Variants in HSD17B12 observed in about 807,000 individuals in gnomAD.
The protein encoded by HSD17B12 is hydroxysteroid 17-beta dehydrogenase 12.
Under a neutral mutation model 39.3 loss-of-function variants are expected in HSD17B12, and 32 were observed. The ratio of observed to expected loss-of-function variants is 0.81; its 90% CI spans 0.61 to 1.09. The LOEUF (loss-of-function observed/expected upper bound fraction) is 1.09. Ranked by LOEUF, HSD17B12 falls within the 50% of genes least tolerant of loss-of-function variation. The probability of loss-of-function intolerance (pLI) is 0.00; values close to 1 mark genes in which losing one functional copy is unlikely to be tolerated. For synonymous variants in HSD17B12, 150 were observed against 146.7 expected, an observed-to-expected ratio of 1.02 and a Z score of -0.16; for missense variants, 342 against 382.9, an observed-to-expected ratio of 0.89 and a Z score of 0.89.
chr11:43,735,338 A>C (rs1266862827), intron 1 of HSD17B12, among the ~76,000 whole-genome samples: 2 of 151,918 alleles, frequency 1.3e-5, no homozygotes, highest in African/African-American at 4.8e-5. Flanking sequence ...TTTTTGAGGA[A>C]CTCCCAACCT....
chr11:43,633,543 T>C, the HSD17B12 span, among the ~76,000 whole-genome samples: 303 of 151,650 alleles, frequency 2.0e-3, 1 homozygote, highest in Non-Finnish European at 2.0e-3. Context: ...AAAAATAAAT[T>C]AAAATAAGTA....
chr11:43,690,400 A>ATTTTTTTTT (rs1565049826), intron 1 of HSD17B12, among the ~76,000 whole-genome samples: 12 of 27,158 alleles, frequency 4.4e-4, no homozygotes, highest in Non-Finnish European at 7.0e-4. Context: ...ATATATATAT[A>ATTTTTTTTT]TATATTTTTT....
intron 1 of HSD17B12, among the ~76,000 whole-genome samples, chr11:43,740,345 G>A (rs923436691): frequency 6.6e-6 from 1 of 152,084 alleles, no homozygotes; most frequent in Non-Finnish European, 1.5e-5. Flanking sequence ...TTATAATGAT[G>A]TGAATATTAT....
chr11:43,619,189 T>C, the HSD17B12 span, among the ~76,000 whole-genome samples: 6 of 74,548 alleles, frequency 8.0e-5, no homozygotes, highest in African/African-American at 2.9e-4. Flanking sequence ...ATAAAATATA[T>C]ATATATATGA....
At chr11:43,772,768 A>T (rs1419414976) in intron 3 of HSD17B12, among the ~76,000 whole-genome samples, 3 of 152,020 alleles carry the variant, frequency 2.0e-5, no homozygotes, top group East Asian at 3.9e-4. Context: ...TTTTTTTGTG[A>T]ATGAGTTTTC....
chr11:43,706,165 T>TG (rs1212749922), intron 1 of HSD17B12, among the ~76,000 whole-genome samples: 1 of 151,982 alleles, frequency 6.6e-6, no homozygotes, highest in African/African-American at 2.4e-5. Context: ...TGTATAAATA[T>TG]GGCTTTAAAA....
intron 3 of HSD17B12, among the ~76,000 whole-genome samples, chr11:43,786,144 G>A (rs780033305): frequency 6.6e-6 from 1 of 152,062 alleles, no homozygotes; most frequent in Non-Finnish European, 1.5e-5. Flanking sequence ...TCTGTCAGTT[G>A]TTCTTTCATA....
At chr11:43,721,232 G>T (rs1017375570) in intron 1 of HSD17B12, among the ~76,000 whole-genome samples, 4 of 151,936 alleles carry the variant, frequency 2.6e-5, no homozygotes, top group Non-Finnish European at 4.4e-5. Flanking sequence ...TAGTTGGGGT[G>T]GGGATATTTT....
intron 4 of HSD17B12, among the ~76,000 whole-genome samples, chr11:43,802,661 A>G (rs1489753296): frequency 6.6e-6 from 1 of 152,182 alleles, no homozygotes; most frequent in African/African-American, 2.4e-5. Flanking sequence ...GTTCTGAAAC[A>G]TTTCTGATTG....
chr11:43,789,907 G>A (rs1340656335), intron 3 of HSD17B12, among the ~76,000 whole-genome samples: 2 of 152,090 alleles, frequency 1.3e-5, no homozygotes, highest in Non-Finnish European at 2.9e-5. Flanking sequence ...ACTCTAGCCT[G>A]GGTGCCAGAG....
At chr11:43,569,180 T>C in the HSD17B12 span, 2 of 151,494 alleles carry the variant, frequency 1.3e-5, no homozygotes, top group East Asian at 2.0e-4. Flanking sequence ...AGTGTGTCTC[T>C]AAATCTACAC....
intron 4 of HSD17B12, among the ~76,000 whole-genome samples, chr11:43,810,334 T>G (rs1008139389): frequency 6.8e-6 from 1 of 147,698 alleles, no homozygotes; most frequent in African/African-American, 2.5e-5. Flanking sequence ...GCATAAAATT[T>G]GGAAATGATT....
At chr11:43,601,842 G>A in the HSD17B12 span, among the ~76,000 whole-genome samples, 1 of 152,160 alleles carries the variant, frequency 6.6e-6, no homozygotes, top group Non-Finnish European at 1.5e-5. Flanking sequence ...TTCTCACCAG[G>A]TTTAGAATGT....
At chr11:43,710,376 G>A (rs1344153249) in intron 1 of HSD17B12, among the ~76,000 whole-genome samples, 1 of 152,138 alleles carries the variant, frequency 6.6e-6, no homozygotes, top group African/African-American at 2.4e-5. Flanking sequence ...TCCTTGCATG[G>A]TAGACTTTCA....
chr11:43,728,684 G>A lies in HSD17B12; in HGVS notation c.161-22227G>A, dbSNP rs549595346. Among the ~76,000 whole-genome samples, 37 of 152,168 alleles carry A rather than the reference G, an allele frequency of 2.4e-4. No homozygotes were observed. In the South Asian group the frequency reaches 7.7e-3, roughly 32 times the overall value. On this transcript the variant is annotated intron_variant, in intron 1 of 10. Coordinates refer to ENST00000278353, the MANE Select transcript of HSD17B12 (RefSeq NM_016142.3). The stretch of plus-strand genomic sequence containing the variant: ...TAAACTTCTTTTGACTCATCATTAG[G>A]TGATGATCCTTAGAAATTTCAATTA...
At chr11:43,824,688 G>A (rs1426744021) in intron 6 of HSD17B12, among the ~76,000 whole-genome samples, 4 of 152,270 alleles carry the variant, frequency 2.6e-5, no homozygotes, top group African/African-American at 4.8e-5. Context: ...GATTAGGTTT[G>A]AACATACAAG....
At position 43,831,117 on chromosome 11, in the gene HSD17B12, C is replaced by A; in HGVS notation, c.536+107C>A. ...CACTGAAGTGACTAATGAACCAAGC[C>A]TCCATGTCTTAGCCACAGAGTGATG... On this transcript the variant is annotated intron_variant, in intron 7 of 10. Coordinates refer to ENST00000278353, the MANE Select transcript of HSD17B12 (RefSeq NM_016142.3). The surrounding 1 kb of genome is among the most constrained non-coding windows in gnomAD (Gnocchi z 4.1). 2 of 1,021,274 alleles carry A rather than the reference C, an allele frequency of 2.0e-6. No homozygotes were observed. Among genetic ancestry groups the A allele is most frequent in the Non-Finnish European group, 2.9e-6 (2 of 686,682 alleles). 63.3% of individuals were successfully genotyped at this position (1,021,274 alleles called of 1,614,324 possible). A position where few individuals can be genotyped will look rare whatever the true frequency, so the allele number is the denominator to read the frequency against.
the HSD17B12 span, among the ~76,000 whole-genome samples, chr11:43,626,765 A>G: frequency 6.6e-6 from 1 of 151,986 alleles, no homozygotes; most frequent in Non-Finnish European, 1.5e-5. Context: ...TCATAATCAT[A>G]TCTTACTAAA....
the HSD17B12 span, among the ~76,000 whole-genome samples, chr11:43,666,300 C>T: frequency 6.6e-6 from 1 of 152,134 alleles, no homozygotes; most frequent in African/African-American, 2.4e-5. Flanking sequence ...ACCTCCTGGG[C>T]TCAATAGATC....
Sources: gnomAD v4.1 joint callset for allele counts (sites outside exome capture counted in the v4.1 genomes callset) on GRCh38, gnomAD v4.1.1 for gene constraint, Gnocchi (gnomAD v3.1) non-coding constraint, MANE v1.5 for transcripts, NCBI Gene and HGNC (gene_info 2026-07-23, HGNC 2026-07-21) for gene names.